DLGAP1: variants seen among roughly 807,000 people sequenced by gnomAD.
The protein encoded by DLGAP1 is DLG associated protein 1, also known as disks large-associated protein 1.
DLGAP1 carries 11 observed loss-of-function variants against 90.8 expected under a neutral mutation model. That is an observed-to-expected ratio of 0.12 (90% CI 0.08 to 0.20). The LOEUF (loss-of-function observed/expected upper bound fraction) is 0.20. DLGAP1 is among the 10% of genes least tolerant of loss of function. The pLI is 1.00. For synonymous variants in DLGAP1, 558 were observed against 540.7 expected (o/e 1.03, Z -0.44); for missense variants, 1,050 against 1,333.8 (o/e 0.79, Z 3.31).
At chr18:4,265,663 C>CCCTTCCTTCCTT (rs551164051) in intron 1 of DLGAP1, among the ~76,000 whole-genome samples, 58 of 54,286 alleles carry the variant, frequency 1.1e-3, no homozygotes, top group Middle Eastern at 0.013. Flanking sequence ...CTCCCTCCCT[C>CCCTTCCTTCCTT]CCTTCCTTCC....
intron 1 of DLGAP1, among the ~76,000 whole-genome samples, chr18:4,432,589 A>AGTGTGTGTGTGTATGTGT (rs779917667): frequency 6.3e-5 from 7 of 111,470 alleles, no homozygotes; most frequent in African/African-American, 2.1e-4. Flanking sequence ...CACCTCACAT[A>AGTGTGTGTGTGTATGTGT]GTGTGTGTGT....
chr18:4,052,581 T>G (rs2075151601), intron 2 of DLGAP1, among the ~76,000 whole-genome samples: 1 of 152,190 alleles, frequency 6.6e-6, no homozygotes, highest in African/African-American at 2.4e-5. Context: ...CGGGAGGGAC[T>G]GCTGTGAAGG....
intron 7 of DLGAP1, among the ~76,000 whole-genome samples, chr18:3,707,686 C>T (rs1029346262): frequency 6.6e-6 from 1 of 151,810 alleles, no homozygotes; most frequent in Non-Finnish European, 1.5e-5. Context: ...ACACTGTAAT[C>T]GTGGATATAT....
intron 2 of DLGAP1, among the ~76,000 whole-genome samples, chr18:4,075,724 C>G (rs1312189824): frequency 5.3e-5 from 8 of 151,550 alleles, no homozygotes; most frequent in African/African-American, 1.9e-4. Flanking sequence ...TTAATAATAA[C>G]AATAAGTGAG....
intron 5 of DLGAP1, among the ~76,000 whole-genome samples, chr18:3,793,086 G>A (rs1022181217): frequency 6.6e-6 from 1 of 152,118 alleles, no homozygotes; most frequent in South Asian, 2.1e-4. Flanking sequence ...AATACGACTC[G>A]ACCAATGAAA....
chr18:3,793,919 T>G (rs2065864907), intron 5 of DLGAP1, among the ~76,000 whole-genome samples: 1 of 152,176 alleles, frequency 6.6e-6, no homozygotes, highest in Non-Finnish European at 1.5e-5. Context: ...TTATGTCACT[T>G]ATCTGTCTTG....
At chr18:3,919,011 G>T (rs1241997993) in intron 3 of DLGAP1, among the ~76,000 whole-genome samples, 2 of 152,338 alleles carry the variant, frequency 1.3e-5, no homozygotes, top group East Asian at 3.9e-4. Flanking sequence ...AAAGAATTTG[G>T]ATGCTTTGTG....
chr18:4,203,191 C>T (rs950565997), intron 1 of DLGAP1, among the ~76,000 whole-genome samples: 1 of 151,260 alleles, frequency 6.6e-6, no homozygotes, highest in Non-Finnish European at 1.5e-5. Flanking sequence ...AGGAGACTTG[C>T]TTGAACCCGG....
intron 5 of DLGAP1, among the ~76,000 whole-genome samples, chr18:3,755,975 T>C (rs1184329638): frequency 6.6e-6 from 1 of 152,130 alleles, no homozygotes; most frequent in East Asian, 1.9e-4. Context: ...GTTCAGTAAT[T>C]ATAATAGAAG....
At chr18:4,428,241 G>A (rs936295928) in intron 1 of DLGAP1, among the ~76,000 whole-genome samples, 3 of 152,114 alleles carry the variant, frequency 2.0e-5, no homozygotes, top group African/African-American at 7.2e-5. Flanking sequence ...ACGCGCCTTG[G>A]TCTTGTCATC....
intron 1 of DLGAP1, among the ~76,000 whole-genome samples, chr18:4,198,831 A>G (rs1047108473): frequency 6.6e-6 from 1 of 152,222 alleles, no homozygotes; most frequent in Admixed American, 6.5e-5. Context: ...TAATTAAGGT[A>G]GAGTCACTAT....
At position 4,299,099 on chromosome 18, in the gene DLGAP1, A is replaced by C. The variant is rs541435621; in HGVS notation, c.-266-147812T>G. On this transcript the variant is annotated intron_variant, in intron 1 of 12. Transcript: ENST00000315677. ...CTGTCTCAAGACAAAAAAAAAAAAAAAAAAAAAAAAATAGAAGCAAATTCT... is the reference window on the plus strand; with the variant it reads ...CTGTCTCAAGACAAAAAAAAAAAAACAAAAAAAAAAATAGAAGCAAATTCT... Among the ~76,000 whole-genome samples, 25 of 150,972 alleles carry C rather than the reference A, an allele frequency of 1.7e-4. 1 individual carries two copies. The South Asian group carries it at 3.6e-3, about 21-fold the overall frequency.
chr18:3,508,752 A>G lies in DLGAP1; in HGVS notation c.2480-91T>C, dbSNP rs114414304. 2,550 of 989,450 alleles carry G rather than the reference A, an allele frequency of 2.6e-3. 45 individuals carry two copies. In the African/African-American group the frequency reaches 0.035, roughly 14 times the overall value. 61.3% of individuals were successfully genotyped at this position (989,450 alleles called of 1,614,324 possible). A position where few individuals can be genotyped will look rare whatever the true frequency, so the allele number is the denominator to read the frequency against. On this transcript the variant is annotated intron_variant, in intron 10 of 12. Transcript: ENST00000315677. ...AGCAAAGAGGAAGTTATGCTGTAATAATTAGGGAAAATGGCACACACACAC... is the reference window on the plus strand; with the variant it reads ...AGCAAAGAGGAAGTTATGCTGTAATGATTAGGGAAAATGGCACACACACAC...
intron 5 of DLGAP1, among the ~76,000 whole-genome samples, chr18:3,761,438 T>C (rs2063957748): frequency 1.3e-5 from 2 of 152,258 alleles, no homozygotes; most frequent in Admixed American, 6.5e-5. Flanking sequence ...CCTTCAAGGC[T>C]GAATCATACT....
At chr18:3,869,328 G>A (rs535685269) in intron 4 of DLGAP1, among the ~76,000 whole-genome samples, 112 of 152,256 alleles carry the variant, frequency 7.4e-4, no homozygotes, top group African/African-American at 2.4e-3. Context: ...TCGGGAGGCC[G>A]AGGTGGGAAG....
intron 1 of DLGAP1, among the ~76,000 whole-genome samples, chr18:4,380,086 A>G (rs2082085560): frequency 6.6e-6 from 1 of 152,150 alleles, no homozygotes; most frequent in Non-Finnish European, 1.5e-5. Context: ...TCCTTCCAGG[A>G]AAAGAATAAA....
At chr18:3,752,559 CTTCTCT>C (rs993925767) in intron 5 of DLGAP1, among the ~76,000 whole-genome samples, 10 of 131,250 alleles carry the variant, frequency 7.6e-5, no homozygotes, top group African/African-American at 2.5e-4. Flanking sequence ...CCCTTCCTTC[CTTCTCT>C]TTCTCTTTCT....
intron 1 of DLGAP1, among the ~76,000 whole-genome samples, chr18:4,185,440 C>G (rs2077276326): frequency 6.6e-6 from 1 of 151,972 alleles, no homozygotes; most frequent in South Asian, 2.1e-4. Context: ...GCCCCAGTGT[C>G]TTTCATTCGC....
chr18:4,350,909 G>A (rs2081390669), intron 1 of DLGAP1, among the ~76,000 whole-genome samples: 1 of 152,050 alleles, frequency 6.6e-6, no homozygotes, highest in African/African-American at 2.4e-5. Context: ...ATCTCCAGGA[G>A]ACTTTGGAAT....
Sources: allele counts gnomAD v4.1 joint callset (sites outside exome capture counted in the v4.1 genomes callset), GRCh38; gene constraint gnomAD v4.1.1; transcripts MANE v1.5; gene names NCBI Gene and HGNC (gene_info 2026-07-23, HGNC 2026-07-21).